The following TRPM1 variants were observed in gnomAD, a reference collection of about 807,000 sequenced individuals.
TRPM1 encodes the protein TRPM1-203 APA Isoform, Intron 10.
TRPM1 carries 113 observed loss-of-function variants against 149.4 expected under a neutral mutation model. That is an observed-to-expected ratio of 0.76 (90% CI 0.65 to 0.88). The LOEUF (loss-of-function observed/expected upper bound fraction) is 0.88. TRPM1 is among the 40% of genes least tolerant of loss of function. The probability of loss-of-function intolerance (pLI) is 0.00; values close to 1 mark genes in which losing one functional copy is unlikely to be tolerated. For missense variants in TRPM1, 1,976 were observed against 2,038.7 expected, an observed-to-expected ratio of 0.97 and a Z score of 0.59; for synonymous variants, 741 against 759.5, an observed-to-expected ratio of 0.98 and a Z score of 0.40.
At chr15:31,078,280 G>T (rs555311108) in intron 2 of TRPM1, among the ~76,000 whole-genome samples, 2 of 152,260 alleles carry the variant, frequency 1.3e-5, no homozygotes, top group African/African-American at 4.8e-5. Flanking sequence ...GCAGAGGTCT[G>T]CAGTGACAAC....
chr15:31,084,645 A>AT (rs1179083619), intron 1 of TRPM1, among the ~76,000 whole-genome samples: 3 of 145,632 alleles, frequency 2.1e-5, no homozygotes, highest in Non-Finnish European at 4.6e-5. Flanking sequence ...TCAGTAAGAC[A>AT]TTTTTTCTCT....
intron 1 of TRPM1, among the ~76,000 whole-genome samples, chr15:31,089,700 G>C (rs1408885992): frequency 6.6e-6 from 1 of 152,228 alleles, no homozygotes; most frequent in Non-Finnish European, 1.5e-5. Context: ...CAGCTCCAGG[G>C]CCGACACTTG....
chr15:31,053,598 A>G (rs2034006581), intron 11 of TRPM1, among the ~76,000 whole-genome samples: 1 of 152,208 alleles, frequency 6.6e-6, no homozygotes, highest in African/African-American at 2.4e-5. Context: ...AGAAAATGAC[A>G]AATGTTTGTG....
rs1015227444 is a variant in TRPM1, at chr15:31,001,142, T to C, written c.*680A>G. 3 of 152,166 alleles carry C rather than the reference T, an allele frequency of 2.0e-5. No homozygotes were observed. Among genetic ancestry groups the C allele is most frequent in the Admixed American group, 1.3e-4 (2 of 15,270 alleles). The allele number at this position is 152,166 out of a possible 1,614,324, so 9.4% of individuals were successfully genotyped here. ...AATTATTAGAGTATGATGTTTGATA[T>C]AATTGTGTACTTTTTTTCCCATTGT... On this transcript the variant is annotated 3_prime_UTR_variant, in exon 28 of 28. Transcript: ENST00000256552.
intron 18 of TRPM1, among the ~76,000 whole-genome samples, chr15:31,039,056 G>A (rs954792538): frequency 6.7e-6 from 1 of 150,170 alleles, no homozygotes; most frequent in Non-Finnish European, 1.5e-5. Flanking sequence ...GGAGGTTGAA[G>A]GTGTATAGTT....
intron 3 of TRPM1, 103 bp from the exon 4 acceptor site, chr15:31,070,329 G>T: frequency 8.9e-7 from 1 of 1,127,170 alleles, no homozygotes; most frequent in South Asian, 1.2e-5. Context: ...GCCCAAACAG[G>T]AGCCTACTAA....
At chr15:31,077,786 C>T (rs1029513297) in intron 2 of TRPM1, among the ~76,000 whole-genome samples, 15 of 151,216 alleles carry the variant, frequency 9.9e-5, no homozygotes, top group Non-Finnish European at 3.0e-5. Context: ...GTGTGTTGTA[C>T]GAGTGCAGAG....
At chr15:31,047,369 G>T in intron 14 of TRPM1, 118 bp from the exon 15 acceptor site, 1 of 1,071,906 alleles carries the variant, frequency 9.3e-7, no homozygotes, top group South Asian at 1.3e-5. Context: ...TGTAACAGGT[G>T]GGTGGGTGGG....
chr15:31,146,771 G>A (rs1007066263), intron 1 of TRPM1, among the ~76,000 whole-genome samples: 5 of 152,198 alleles, frequency 3.3e-5, no homozygotes, highest in African/African-American at 1.2e-4. Context: ...CTAATCACCT[G>A]AGGTCAGGAG....
intron 2 of TRPM1, 35 bp downstream of exon 2, chr15:31,081,318 G>T (rs1488931385): frequency 1.8e-6 from 2 of 1,123,186 alleles, no homozygotes; most frequent in South Asian, 1.3e-5. Context: ...GGGGGGGAGG[G>T]GGGGAAGGTG....
chr15:31,013,735 T>C (rs2032265620), intron 27 of TRPM1, among the ~76,000 whole-genome samples: 1 of 152,186 alleles, frequency 6.6e-6, no homozygotes, highest in African/African-American at 2.4e-5. Context: ...AGTGTAGTTG[T>C]TGTTTGTTGT....
chr15:31,131,284 T>C (rs192030894), intron 1 of TRPM1, among the ~76,000 whole-genome samples: 61 of 150,644 alleles, frequency 4.0e-4, no homozygotes, highest in African/African-American at 1.3e-3. Flanking sequence ...CGCGCAAAAG[T>C]AGTGATGCTG....
intron 22 of TRPM1, among the ~76,000 whole-genome samples, chr15:31,032,076 A>G (rs2033110088): frequency 6.6e-6 from 1 of 150,952 alleles, no homozygotes; most frequent in Non-Finnish European, 1.5e-5. Flanking sequence ...TAGAACATCA[A>G]ATCCATGTCC....
intron 1 of TRPM1, among the ~76,000 whole-genome samples, chr15:31,101,380 A>T (rs2035511793): frequency 6.6e-6 from 1 of 152,130 alleles, no homozygotes; most frequent in Non-Finnish European, 1.5e-5. Flanking sequence ...GCCTCTTGGA[A>T]CCCAGGCTGA....
At chr15:31,102,890 G>A (rs1221097582), upstream of TRPM1, among the ~76,000 whole-genome samples, 3 of 152,224 alleles carry the variant, frequency 2.0e-5, no homozygotes, top group East Asian at 1.9e-4. Flanking sequence ...CCTGGCTCCC[G>A]AGTCTTCTTT....
chr15:31,048,020 T>C, intron 13 of TRPM1, 81 bp from the exon 14 acceptor site: 1 of 1,236,084 alleles, frequency 8.1e-7, no homozygotes, highest in Non-Finnish European at 1.2e-6. Context: ...CCCAGCACTT[T>C]GGGAGGCCAA....
Position 31,037,741 on chromosome 15 carries a change from G to T in TRPM1, c.2541C>A (p.Asn847Lys). ...PIGTKICEFYNAPIVKFWFYT... is the reference protein window; with the variant it reads ...PIGTKICEFYKAPIVKFWFYT... ...AAAACCAGAACTTGACAATGGGCGC[G>T]TTATAGAATTCACAGATCTTTGTTC... Residue 847 changes from asparagine (N) to lysine (K), a missense_variant, in exon 20 of 28, where the codon AAC (asparagine) becomes AAA (lysine). Asn to Lys is a moderately conservative substitution (Grantham distance 94). Coordinates refer to ENST00000256552, the MANE Select transcript of TRPM1 (RefSeq NM_001252024.2). 1 of 1,614,088 alleles carries T rather than the reference G, an allele frequency of 6.2e-7. No homozygotes were observed. Among genetic ancestry groups the T allele is most frequent in the Non-Finnish European group, 8.5e-7 (1 of 1,180,010 alleles).
intron 10 of TRPM1, among the ~76,000 whole-genome samples, chr15:31,061,215 C>T (rs1275223139): frequency 2.6e-5 from 4 of 152,208 alleles, no homozygotes; most frequent in East Asian, 1.9e-4. Context: ...CAAATAGAAA[C>T]GGTTCTGACC....
chr15:31,160,757 C>T, intron 1 of TRPM1: 2 of 794,302 alleles, frequency 2.5e-6, no homozygotes, highest in Non-Finnish European at 4.1e-6. Flanking sequence ...GACGTGAGAG[C>T]TCTGAACACC....
Sources: gnomAD v4.1 joint callset for allele counts (sites outside exome capture counted in the v4.1 genomes callset) on GRCh38, gnomAD v4.1.1 for gene constraint, MANE v1.5 for transcripts, NCBI Gene and HGNC (gene_info 2026-07-23, HGNC 2026-07-21) for gene names.